Variants in CEP128 observed in about 807,000 individuals in gnomAD.
The protein encoded by CEP128 is centrosomal protein 128kDa.
Under a neutral mutation model 156.7 loss-of-function variants are expected in CEP128, and 132 were observed. That is an observed-to-expected ratio of 0.84 (90% CI 0.73 to 0.97). CEP128 has a LOEUF of 0.97. Among genes scored for constraint, CEP128 ranks in the 50% least tolerant of loss-of-function variants. The pLI is 0.00. For missense variants in CEP128, 1,252 were observed against 1,281.9 expected, an observed-to-expected ratio of 0.98 and a Z score of 0.36; for synonymous variants, 469 against 448.9, an observed-to-expected ratio of 1.04 and a Z score of -0.57.
In CEP128 at chr14:80,516,671, C is replaced by T. The variant is rs117961810; in HGVS notation, c.3072+10198G>A. On this transcript the variant is annotated intron_variant, in intron 23 of 24. Coordinates refer to ENST00000555265, the MANE Select transcript of CEP128 (RefSeq NM_152446.5). ...CTACTGCTTGTCTAAATGCTCCCTC[C>T]ATGGGCATGACTAAATTCTGCCTTG... 2.6e-4 allele frequency among the ~76,000 whole-genome samples: 40 copies of T among 152,284 alleles called. No homozygotes were observed. The East Asian group carries it at 7.4e-3, about 28-fold the overall frequency.
Position 80,877,446 on chromosome 14 carries a change from T to TA in CEP128, c.646-14574dup, listed in dbSNP as rs531582317. 8.4e-3 allele frequency among the ~76,000 whole-genome samples: 1,278 copies of TA among 152,080 alleles called. 16 individuals are homozygous for TA. The highest frequency in any genetic ancestry group is 0.01 in the Non-Finnish European group (686 of 67,952). Reference sequence around the variant, plus strand: ...GATATCAAATTCAAGAAATAAGTTGTAAAAAAAATGTATAAGATATAAAAC... The same window carrying TA: ...GATATCAAATTCAAGAAATAAGTTGTAAAAAAAAATGTATAAGATATAAAAC... On this transcript the variant is annotated intron_variant, in intron 8 of 24. Coordinates refer to ENST00000555265, the MANE Select transcript of CEP128 (RefSeq NM_152446.5).
At chr14:80,701,940 T>C (rs1456072905) in intron 19 of CEP128, among the ~76,000 whole-genome samples, 1 of 152,148 alleles carries the variant, frequency 6.6e-6, no homozygotes, top group African/African-American at 2.4e-5. Context: ...GATGTGCACA[T>C]GAATACATTC....
At chr14:80,852,870 C>G (rs1426948924) in intron 9 of CEP128, among the ~76,000 whole-genome samples, 1 of 151,664 alleles carries the variant, frequency 6.6e-6, no homozygotes, top group Non-Finnish European at 1.5e-5. Context: ...GAAAACTAAT[C>G]TCAATCATAA....
At chr14:80,695,336 G>C (rs562494951) in intron 19 of CEP128, among the ~76,000 whole-genome samples, 1 of 152,172 alleles carries the variant, frequency 6.6e-6, no homozygotes, top group Non-Finnish European at 1.5e-5. Flanking sequence ...GGTATACATT[G>C]AGTTTTGAGA....
intron 13 of CEP128, among the ~76,000 whole-genome samples, chr14:80,806,169 A>G (rs1189799584): frequency 1.3e-5 from 2 of 152,174 alleles, no homozygotes. Flanking sequence ...ATCCCAAATA[A>G]TAGGTTCTTC....
At chr14:80,551,168 A>G (rs1189386502) in intron 21 of CEP128, among the ~76,000 whole-genome samples, 1 of 152,186 alleles carries the variant, frequency 6.6e-6, no homozygotes, top group Non-Finnish European at 1.5e-5. Context: ...TTGAAAGCAA[A>G]GAATGAGAAA....
intron 20 of CEP128, among the ~76,000 whole-genome samples, chr14:80,565,583 T>C (rs1207065517): frequency 6.6e-6 from 1 of 152,218 alleles, no homozygotes; most frequent in Non-Finnish European, 1.5e-5. Context: ...AGTTTGTAAC[T>C]AGCCTTAAGC....
At chr14:80,737,364 A>G (rs1898588380) in intron 19 of CEP128, among the ~76,000 whole-genome samples, 1 of 152,106 alleles carries the variant, frequency 6.6e-6, no homozygotes, top group African/African-American at 2.4e-5. Flanking sequence ...AGATTGTGCC[A>G]CCACACTCCA....
intron 7 of CEP128, among the ~76,000 whole-genome samples, chr14:80,898,734 A>G (rs1889460972): frequency 1.3e-5 from 2 of 152,258 alleles, no homozygotes; most frequent in Non-Finnish European, 2.9e-5. Flanking sequence ...AGCTTGTAAA[A>G]AAAAATAATA....
chr14:80,488,764 G>C (rs2140155994), downstream of CEP128, among the ~76,000 whole-genome samples: 1 of 152,138 alleles, frequency 6.6e-6, no homozygotes, highest in Middle Eastern at 3.4e-3. Flanking sequence ...TCTGGATTAA[G>C]AAAATGTGGC....
intron 13 of CEP128, among the ~76,000 whole-genome samples, chr14:80,820,427 A>T (rs1481834908): frequency 6.6e-6 from 1 of 152,220 alleles, no homozygotes; most frequent in African/African-American, 2.4e-5. Flanking sequence ...ACCCAAAGCT[A>T]TGTTACAATG....
intron 19 of CEP128, among the ~76,000 whole-genome samples, chr14:80,719,514 T>C (rs565795863): frequency 5.3e-5 from 8 of 152,116 alleles, no homozygotes; most frequent in Non-Finnish European, 1.0e-4. Context: ...CTATTTTGAG[T>C]TTGAAATTTT....
At chr14:80,712,601 G>C (rs764546331) in intron 19 of CEP128, among the ~76,000 whole-genome samples, 2 of 152,080 alleles carry the variant, frequency 1.3e-5, no homozygotes, top group Admixed American at 1.3e-4. Flanking sequence ...TTAGAAAAGA[G>C]AGACTGTGGC....
intron 4 of CEP128, among the ~76,000 whole-genome samples, chr14:80,913,897 C>T (rs1281546647): frequency 6.6e-6 from 1 of 152,190 alleles, no homozygotes; most frequent in Non-Finnish European, 1.5e-5. Context: ...AACCAAAAAA[C>T]CACTTGTTCC....
At chr14:80,617,948 A>C (rs1893297521) in intron 19 of CEP128, among the ~76,000 whole-genome samples, 1 of 152,264 alleles carries the variant, frequency 6.6e-6, no homozygotes, top group Admixed American at 6.5e-5. Flanking sequence ...TTAGGGAATT[A>C]GTTACCTTCT....
At chr14:80,512,687 A>C (rs1888314453) in intron 23 of CEP128, among the ~76,000 whole-genome samples, 1 of 151,222 alleles carries the variant, frequency 6.6e-6, no homozygotes, top group Non-Finnish European at 1.5e-5. Context: ...CTTTTTGTAA[A>C]ACTCTGGTAG....
chr14:80,643,331 A>C (rs886528179), intron 19 of CEP128, among the ~76,000 whole-genome samples: 1 of 152,138 alleles, frequency 6.6e-6, no homozygotes, highest in Non-Finnish European at 1.5e-5. Flanking sequence ...GCCCATCAAT[A>C]ATGGAGGCCA....
chr14:80,604,917 T>C (rs1488318347), intron 19 of CEP128, among the ~76,000 whole-genome samples: 4 of 152,002 alleles, frequency 2.6e-5, no homozygotes, highest in Admixed American at 2.6e-4. Context: ...AGTTGACAAT[T>C]AGGACAAAAA....
At chr14:80,611,642 G>C (rs961915030) in intron 19 of CEP128, among the ~76,000 whole-genome samples, 10 of 152,166 alleles carry the variant, frequency 6.6e-5, no homozygotes, top group Admixed American at 2.0e-4. Flanking sequence ...AAGCTACAGA[G>C]ATCTTCTTAA....
Sources: gnomAD v4.1 joint callset for allele counts (sites outside exome capture counted in the v4.1 genomes callset) on GRCh38, gnomAD v4.1.1 for gene constraint, MANE v1.5 for transcripts, NCBI Gene and HGNC (gene_info 2026-07-23, HGNC 2026-07-21) for gene names.